The following KIAA0825 variants were observed in gnomAD, a reference collection of about 807,000 sequenced individuals.
The protein encoded by KIAA0825 is uncharacterized protein KIAA0825.
In KIAA0825, 119 loss-of-function variants were observed where a neutral mutation model predicts 147.6. That is an observed-to-expected ratio of 0.81 (90% CI 0.69 to 0.94). The LOEUF is 0.94. KIAA0825 is among the 40% of genes least tolerant of loss of function. The pLI is 0.00. For missense variants in KIAA0825, 1,381 were observed against 1,472.7 expected, an observed-to-expected ratio of 0.94 and a Z score of 1.02; for synonymous variants, 470 against 518.1, an observed-to-expected ratio of 0.91 and a Z score of 1.26.
intron 20 of KIAA0825, among the ~76,000 whole-genome samples, chr5:94,155,849 C>G (rs1218575753): frequency 6.6e-6 from 1 of 152,164 alleles, no homozygotes; most frequent in Non-Finnish European, 1.5e-5. Context: ...CACTGCCACA[C>G]TATTCAAAGC....
intron 20 of KIAA0825, among the ~76,000 whole-genome samples, chr5:94,212,997 G>T (rs189731762): frequency 1.3e-5 from 2 of 152,082 alleles, no homozygotes; most frequent in African/African-American, 2.4e-5. Flanking sequence ...AATACATTAT[G>T]TACATTATCT....
chr5:94,469,080 T>A (rs1175268539), intron 10 of KIAA0825, among the ~76,000 whole-genome samples: 1 of 152,156 alleles, frequency 6.6e-6, no homozygotes, highest in African/African-American at 2.4e-5. Flanking sequence ...TGATCCTGGG[T>A]CTGGCTGCAC....
chr5:94,313,617 CT>C (rs55688689), intron 20 of KIAA0825, among the ~76,000 whole-genome samples: 139,633 of 142,056 alleles, frequency 0.98, 68,617 homozygotes, highest in South Asian at 0.99. Flanking sequence ...AGGGAGGTTT[CT>C]TTTTTTTTTT....
chr5:94,337,801 C>T (rs1584166381), intron 20 of KIAA0825, among the ~76,000 whole-genome samples: 1 of 152,132 alleles, frequency 6.6e-6, no homozygotes, highest in Non-Finnish European at 1.5e-5. Context: ...ACAGGCAGGG[C>T]AGCTCATGCA....
At chr5:94,300,382 T>C (rs1291415456) in intron 20 of KIAA0825, among the ~76,000 whole-genome samples, 1 of 152,102 alleles carries the variant, frequency 6.6e-6, no homozygotes, top group Non-Finnish European at 1.5e-5. Flanking sequence ...TCTTATTCAA[T>C]TGTCCCATTA....
intron 1 of KIAA0825, among the ~76,000 whole-genome samples, chr5:94,602,991 G>A (rs1786792629): frequency 6.6e-6 from 1 of 152,002 alleles, no homozygotes; most frequent in Non-Finnish European, 1.5e-5. Context: ...ATTGCGTCAG[G>A]CTAATTTTTG....
At chr5:94,378,860 A>C (rs1747968571) in intron 20 of KIAA0825, among the ~76,000 whole-genome samples, 1 of 152,054 alleles carries the variant, frequency 6.6e-6, no homozygotes, top group Admixed American at 6.6e-5. Flanking sequence ...ATTTAGTGAT[A>C]TTGAGCTTTT....
chr5:94,202,487 A>G (rs767570276), intron 20 of KIAA0825, among the ~76,000 whole-genome samples: 2 of 152,206 alleles, frequency 1.3e-5, no homozygotes, highest in Non-Finnish European at 2.9e-5. Flanking sequence ...TGCCAATGTC[A>G]GGGAACTGGC....
intron 1 of KIAA0825, among the ~76,000 whole-genome samples, chr5:94,586,723 G>A (rs947131202): frequency 9.2e-5 from 14 of 152,124 alleles, no homozygotes; most frequent in African/African-American, 3.4e-4. Context: ...ACCAAAGCCT[G>A]GCAGAGACCC....
At chr5:94,392,830 C>T (rs1432892681) in intron 17 of KIAA0825, among the ~76,000 whole-genome samples, 2 of 152,126 alleles carry the variant, frequency 1.3e-5, no homozygotes, top group African/African-American at 2.4e-5. Flanking sequence ...AGAGGAGGAA[C>T]TTTAAGATCA....
At chr5:94,245,367 C>A (rs1340001401) in intron 20 of KIAA0825, among the ~76,000 whole-genome samples, 1 of 152,076 alleles carries the variant, frequency 6.6e-6, no homozygotes, top group Admixed American at 6.6e-5. Context: ...TATATCCAGA[C>A]TTTGGTTGAG....
At chr5:94,296,980 G>A (rs1242642745) in intron 20 of KIAA0825, among the ~76,000 whole-genome samples, 1 of 152,028 alleles carries the variant, frequency 6.6e-6, no homozygotes, top group Non-Finnish European at 1.5e-5. Context: ...TTTTTTATTG[G>A]TCTAAATTCT....
intron 20 of KIAA0825, among the ~76,000 whole-genome samples, chr5:94,178,841 A>G (rs1769343576): frequency 6.6e-6 from 1 of 152,114 alleles, no homozygotes; most frequent in African/African-American, 2.4e-5. Flanking sequence ...ATTTATATTC[A>G]CATAAAAATA....
intron 20 of KIAA0825, among the ~76,000 whole-genome samples, chr5:94,373,528 G>A (rs946129522): frequency 3.9e-5 from 6 of 152,232 alleles, no homozygotes; most frequent in Middle Eastern, 6.8e-3. Context: ...AAGCAAACAC[G>A]TCCTTCTTTA....
chr5:94,536,893 T>G (rs909481729), intron 3 of KIAA0825, 103 bp downstream of exon 3: 6 of 785,914 alleles, frequency 7.6e-6, no homozygotes, highest in Non-Finnish European at 9.8e-6. Flanking sequence ...TTAATGATAA[T>G]TAAAACCTAA....
chr5:94,353,502 T>A (rs1783923182), intron 20 of KIAA0825, among the ~76,000 whole-genome samples: 1 of 152,198 alleles, frequency 6.6e-6, no homozygotes, highest in Non-Finnish European at 1.5e-5. Context: ...AAGGGAACAT[T>A]TCCATATTAT....
rs77830897 is a variant in KIAA0825 at position 94,448,877 on chromosome 5, T to C, written c.2357+4082A>G. Among the ~76,000 whole-genome samples the C allele has an allele frequency of 6.3e-4, 96 of 152,332 alleles. 1 individual carries two copies. In the East Asian group the frequency reaches 6.7e-3, roughly 11 times the overall value. ...TCTGATAAATGCAAATCAATAACTTTAGTTATTTTAAAATTGCTTTTATTG... is the reference window on the plus strand; with the variant it reads ...TCTGATAAATGCAAATCAATAACTTCAGTTATTTTAAAATTGCTTTTATTG... On this transcript the variant is annotated intron_variant, in intron 13 of 20. Transcript: ENST00000682413.
rs375021890 is a variant in KIAA0825, at chr5:94,187,672, A to G, written c.3711-33548T>C. Among the ~76,000 whole-genome samples, 96 of 151,956 alleles carry G rather than the reference A, an allele frequency of 6.3e-4. 1 individual carries two copies. The highest frequency in any genetic ancestry group is 2.3e-3 in the African/African-American group (94 of 41,444). On this transcript the variant is annotated intron_variant, in intron 20 of 20. Coordinates refer to ENST00000682413, the MANE Select transcript of KIAA0825 (RefSeq NM_001145678.3). ...GATCTCCTGACCTCGCGATCCGCCC[A>G]CCTCGGCCTCCCAAAGTGCTGGGAT...
At chr5:94,404,333 TA>T (rs1439371517) in intron 15 of KIAA0825, among the ~76,000 whole-genome samples, 1 of 152,184 alleles carries the variant, frequency 6.6e-6, no homozygotes, top group African/African-American at 2.4e-5. Flanking sequence ...CTATTTTTAT[TA>T]AAAATATGTA....
Sources: gnomAD v4.1 joint callset for allele counts (sites outside exome capture counted in the v4.1 genomes callset) on GRCh38, gnomAD v4.1.1 for gene constraint, MANE v1.5 for transcripts, NCBI Gene and HGNC (gene_info 2026-07-23, HGNC 2026-07-21) for gene names.